The following BRAF variants were observed in gnomAD, a reference collection of about 807,000 sequenced individuals.
BRAF encodes B-Raf proto-oncogene, serine/threonine kinase, also known as serine/threonine-protein kinase B-raf.
In BRAF, 16 loss-of-function variants were observed where a neutral mutation model predicts 104.6. The observed-to-expected ratio is 0.15, with a 90% CI of 0.10 to 0.23. The LOEUF is 0.23. BRAF is among the 10% of genes least tolerant of loss of function. BRAF has a pLI of 1.00. For synonymous variants in BRAF, 310 were observed against 341.6 expected (o/e 0.91, Z 1.02); for missense variants, 541 against 937.3 (o/e 0.58, Z 5.52).
chr7:140,910,484 T>C (rs1816846081), intron 1 of BRAF, among the ~76,000 whole-genome samples: 1 of 152,138 alleles, frequency 6.6e-6, no homozygotes, highest in East Asian at 1.9e-4. Flanking sequence ...CCCCTCCAAA[T>C]GAAATCCCAA....
At chr7:140,787,722 C>A in intron 8 of BRAF, 138 bp from the exon 9 acceptor site, 1 of 744,906 alleles carries the variant, frequency 1.3e-6, no homozygotes, top group Non-Finnish European at 2.2e-6. Flanking sequence ...TTACACAAAA[C>A]AATTTGGAAT....
chr7:140,836,477 C>T (rs577036909), intron 2 of BRAF, among the ~76,000 whole-genome samples: 194 of 151,766 alleles, frequency 1.3e-3, no homozygotes, highest in Non-Finnish European at 1.3e-3. Context: ...CACATACTTT[C>T]GAACAAATAA....
chr7:140,820,434 A>G (rs1488477778), intron 3 of BRAF, among the ~76,000 whole-genome samples: 1 of 152,220 alleles, frequency 6.6e-6, no homozygotes, highest in Non-Finnish European at 1.5e-5. Flanking sequence ...ATTATCCATC[A>G]AGAAAGAAAT....
rs2130899066 is a variant in BRAF at position 140,739,815 on chromosome 7, G to A, written c.2244C>T (p.Pro748=). 1.2e-6 allele frequency: 2 copies of A among 1,612,038 alleles called. No individual in the cohort carries two copies. The highest frequency in any genetic ancestry group is 1.7e-6 in the Non-Finnish European group (2 of 1,179,904). Residue 748 remains proline (P), a synonymous_variant, in exon 18 of 20, where the codon CCC becomes CCT. Coordinates refer to ENST00000644969, the MANE Select transcript of BRAF (RefSeq NM_001374258.1). The stretch of plus-strand genomic sequence containing the variant: ...ATAGCATGAAGCTTTTACTTACTTG[G>A]GGAAAGAGTGGTCTCTCATCTCTTT... ...KKKRDERPLF[P]QILASIELLA...
At chr7:140,870,887 A>G (rs76188125) in intron 1 of BRAF, among the ~76,000 whole-genome samples, 1 of 151,944 alleles carries the variant, frequency 6.6e-6, no homozygotes, top group Non-Finnish European at 1.5e-5. Context: ...AAAAAAAAAA[A>G]AAGACTTTTA....
At chr7:140,856,660 G>A (rs1438161958) in intron 1 of BRAF, among the ~76,000 whole-genome samples, 1 of 152,074 alleles carries the variant, frequency 6.6e-6, no homozygotes, top group East Asian at 1.9e-4. Context: ...GAGAAAATTA[G>A]CCAAAAGGCA....
At position 140,787,500 on chromosome 7, in the gene BRAF, A is replaced by C. The variant is rs71645960; in HGVS notation, c.1177+48T>G. 4.5e-5 allele frequency: 69 copies of C among 1,537,574 alleles called. No individual in the cohort carries two copies. The East Asian group carries it at 1.5e-3, about 34-fold the overall frequency. On this transcript the variant is annotated intron_variant, in intron 9 of 19. Transcript: ENST00000644969. ...GTATAAAGGAAATAAGCAGCAAAGC[A>C]ATTGCAGTTTCCTTGAGTTTTTAAA...
intron 1 of BRAF, among the ~76,000 whole-genome samples, chr7:140,899,934 T>C (rs1815409644): frequency 6.6e-6 from 1 of 152,256 alleles, no homozygotes. Flanking sequence ...GGTTTCCATC[T>C]TGGGTGTTTT....
chr7:140,810,581 GAAA>G (rs1804153381), intron 3 of BRAF, among the ~76,000 whole-genome samples: 2 of 151,968 alleles, frequency 1.3e-5, no homozygotes, highest in South Asian at 4.2e-4. Context: ...AACAAACAAA[GAAA>G]AACCCTGAAC....
intron 1 of BRAF, among the ~76,000 whole-genome samples, chr7:140,921,250 C>T (rs1345061205): frequency 1.3e-5 from 2 of 151,994 alleles, no homozygotes; most frequent in Admixed American, 1.3e-4. Context: ...CTATTTCATA[C>T]CATATGGCCA....
chr7:140,843,522 T>G (rs1056795364), intron 2 of BRAF, among the ~76,000 whole-genome samples: 2 of 152,192 alleles, frequency 1.3e-5, no homozygotes, highest in Admixed American at 6.5e-5. Flanking sequence ...GCATTTATAA[T>G]TTTTATGGAT....
At chr7:140,899,635 A>AT (rs923537167) in intron 1 of BRAF, among the ~76,000 whole-genome samples, 5 of 151,594 alleles carry the variant, frequency 3.3e-5, no homozygotes, top group African/African-American at 7.3e-5. Context: ...AATCATTTAA[A>AT]TTTTTTTTTA....
Position 140,719,822 on chromosome 7 carries a change from C to T in BRAF, c.*6672G>A, listed in dbSNP as rs1197355990. On this transcript the variant is annotated 3_prime_UTR_variant, in exon 20 of 20. Coordinates refer to ENST00000644969, the MANE Select transcript of BRAF (RefSeq NM_001374258.1). ...TCCCCATCTTTTCACTGGGCACGCC[C>T]CAGACTCCACGAGAACCTTTTCAAT... The T allele has an allele frequency of 1.9e-6, 2 of 1,062,960 alleles. No homozygotes were observed. Among genetic ancestry groups the T allele is most frequent in the African/African-American group, 3.3e-5 (2 of 60,894 alleles). 65.8% of individuals were successfully genotyped at this position (1,062,960 alleles called of 1,614,324 possible). A position where few individuals can be genotyped will look rare whatever the true frequency, so the allele number is the denominator to read the frequency against.
At chr7:140,920,804 A>T (rs1818133040) in intron 1 of BRAF, among the ~76,000 whole-genome samples, 1 of 152,230 alleles carries the variant, frequency 6.6e-6, no homozygotes, top group African/African-American at 2.4e-5. Flanking sequence ...GAAAGTGAAC[A>T]CTAGAAATAC....
chr7:140,729,055 G>C (rs1312207779), intron 19 of BRAF, among the ~76,000 whole-genome samples: 1 of 133,982 alleles, frequency 7.5e-6, no homozygotes, highest in South Asian at 2.4e-4. Flanking sequence ...GTGAGACGCT[G>C]TCTCTCCAAA....
chr7:140,767,271 T>C (rs1799423213), intron 14 of BRAF, among the ~76,000 whole-genome samples: 1 of 152,196 alleles, frequency 6.6e-6, no homozygotes, highest in Admixed American at 6.5e-5. Context: ...CCCGAAGTGT[T>C]GGGATTACAG....
chr7:140,909,848 A>C (rs112278734), intron 1 of BRAF, among the ~76,000 whole-genome samples: 39 of 150,616 alleles, frequency 2.6e-4, no homozygotes, highest in South Asian at 6.3e-4. Flanking sequence ...ACAACAACAA[A>C]AAAGTGCCTC....
chr7:140,778,512 T>C (rs1800542586), intron 12 of BRAF, among the ~76,000 whole-genome samples: 1 of 152,096 alleles, frequency 6.6e-6, no homozygotes, highest in African/African-American at 2.4e-5. Context: ...TCAGAGTAGT[T>C]AACATTTTTT....
chr7:140,730,749 A>C (rs547229796), intron 19 of BRAF: 2 of 151,624 alleles, frequency 1.3e-5, no homozygotes, highest in Non-Finnish European at 2.9e-5. Flanking sequence ...CTGTGATTTT[A>C]GACACCTCAA....
Sources: gnomAD v4.1 joint callset for allele counts (sites outside exome capture counted in the v4.1 genomes callset) on GRCh38, gnomAD v4.1.1 for gene constraint, MANE v1.5 for transcripts, NCBI Gene and HGNC (gene_info 2026-07-23, HGNC 2026-07-21) for gene names.